Variants in GLB1 observed in about 807,000 individuals in gnomAD.
GLB1 encodes the protein beta-galactosidase.
Under a neutral mutation model 74.0 loss-of-function variants are expected in GLB1, and 56 were observed. The ratio of observed to expected loss-of-function variants is 0.76; its 90% CI spans 0.61 to 0.94. The LOEUF (loss-of-function observed/expected upper bound fraction) is 0.94. GLB1 is among the 40% of genes least tolerant of loss of function. GLB1 has a pLI of 0.00. For missense variants in GLB1, 787 were observed against 845.5 expected (o/e 0.93, Z 0.86); for synonymous variants, 323 against 323.6 (o/e 1.00, Z 0.02).
intron 15 of GLB1, among the ~76,000 whole-genome samples, chr3:33,005,972 A>G (rs1340455040): frequency 2.0e-5 from 3 of 152,242 alleles, no homozygotes; most frequent in African/African-American, 4.8e-5. Context: ...TCTTCAAAGC[A>G]TAATTTTGGT....
intron 14 of GLB1, among the ~76,000 whole-genome samples, chr3:33,015,109 T>C (rs1266798311): frequency 6.6e-6 from 1 of 152,102 alleles, no homozygotes; most frequent in Non-Finnish European, 1.5e-5. Context: ...TAAGCCGAGA[T>C]TGTGCCACTG....
At chr3:33,064,423 G>C (rs1699579486) in intron 5 of GLB1, among the ~76,000 whole-genome samples, 2 of 126,444 alleles carry the variant, frequency 1.6e-5, no homozygotes, top group Non-Finnish European at 1.6e-5. Flanking sequence ...CTGGGCGACA[G>C]AGCGAGACTC....
At chr3:32,977,938 A>G in the GLB1 span, among the ~76,000 whole-genome samples, 1 of 152,182 alleles carries the variant, frequency 6.6e-6, no homozygotes, top group Non-Finnish European at 1.5e-5. Context: ...TGAATTTCTG[A>G]CACAGTTCCA....
intron 15 of GLB1, among the ~76,000 whole-genome samples, chr3:33,007,255 C>T (rs1038661963): frequency 6.6e-6 from 1 of 152,220 alleles, no homozygotes; most frequent in Non-Finnish European, 1.5e-5. Context: ...CCATACAATT[C>T]AGCAGTCTTT....
chr3:33,089,604 C>T lies in GLB1; in HGVS notation c.75+7407G>A, dbSNP rs117302613. ...CTTAAAAAGGACAGAAATCCAGTCA[C>T]GTGCCACAACCTTAAGGTCATTATA... On this transcript the variant is annotated intron_variant, in intron 1 of 15. Transcript: ENST00000307363. 2.1e-3 allele frequency among the ~76,000 whole-genome samples: 316 copies of T among 152,214 alleles called. 4 individuals are homozygous for T. The highest frequency in any genetic ancestry group is 1.9e-3 in the East Asian group (10 of 5,182).
chr3:33,026,913 C>G (rs1199626682), intron 10 of GLB1, among the ~76,000 whole-genome samples: 1 of 152,210 alleles, frequency 6.6e-6, no homozygotes, highest in African/African-American at 2.4e-5. Context: ...CTTCATCTTG[C>G]TCACCCTCCA....
At position 33,016,835 on chromosome 3, in the gene GLB1, G is replaced by A; in HGVS notation, c.1353C>T (p.Pro451=). ...DRAYVAVDGI[P]QGVLERNNVI... ...CATTGTTTCGCTCAAGGACTCCCTG[G>A]GGGATCTGTGGGGTTCAAGACCAAA... Residue 451 remains proline (P), a synonymous_variant, in exon 14 of 16, where the codon CCC becomes CCT. Coordinates refer to ENST00000307363, the MANE Select transcript of GLB1 (RefSeq NM_000404.4). 5 of 1,613,948 alleles carry A rather than the reference G, an allele frequency of 3.1e-6. No individual in the cohort carries two copies. The highest frequency in any genetic ancestry group is 2.2e-5 in the East Asian group (1 of 44,878).
chr3:32,974,900 C>G, the GLB1 span, among the ~76,000 whole-genome samples: 8 of 152,328 alleles, frequency 5.3e-5, no homozygotes, highest in African/African-American at 1.9e-4. Context: ...TACACACACA[C>G]AGATACACCC....
chr3:33,066,374 T>G (rs1023627694), intron 4 of GLB1, among the ~76,000 whole-genome samples: 13 of 152,122 alleles, frequency 8.5e-5, no homozygotes, highest in Admixed American at 1.3e-4. Context: ...GGTGGCTTTA[T>G]AAGAAGAGGG....
the GLB1 span, among the ~76,000 whole-genome samples, chr3:32,981,717 G>A: frequency 6.6e-6 from 1 of 151,326 alleles, no homozygotes; most frequent in East Asian, 2.0e-4. Context: ...AGGTTGCAGT[G>A]AGCTGAGATT....
chr3:33,042,389 T>TTTTTTTTA (rs1553609327), intron 10 of GLB1, among the ~76,000 whole-genome samples: 1 of 146,542 alleles, frequency 6.8e-6, no homozygotes, highest in Non-Finnish European at 1.5e-5. Context: ...TTTTTTTTTT[T>TTTTTTTTA]CCAAGTCTCG....
chr3:33,082,899 G>C (rs1360354159), intron 1 of GLB1, among the ~76,000 whole-genome samples: 1 of 152,166 alleles, frequency 6.6e-6, no homozygotes, highest in Non-Finnish European at 1.5e-5. Context: ...AAGCCACAGA[G>C]AGGGGATCAA....
intron 9 of GLB1, among the ~76,000 whole-genome samples, chr3:33,048,177 A>T (rs578226929): frequency 6.6e-6 from 1 of 152,270 alleles, no homozygotes; most frequent in Admixed American, 6.5e-5. Context: ...GAGTTGGGAA[A>T]GTGTGACCTC....
chr3:33,014,185 A>G lies in GLB1; in HGVS notation c.1605T>C (p.His535=), dbSNP rs1697144237. 6.2e-7 allele frequency: 1 copy of G among 1,614,104 alleles called. No individual in the cohort carries two copies. Among genetic ancestry groups the G allele is most frequent in the East Asian group, 2.2e-5 (1 of 44,868 alleles). Residue 535 remains histidine, a synonymous_variant, in exon 15 of 16, where the codon CAT becomes CAC. Coordinates refer to ENST00000307363, the MANE Select transcript of GLB1 (RefSeq NM_000404.4). ...GGWGHRDSGH[H]DEAWAHNSSN... is the part of the protein sequence containing the mutation. ...ATGAGTTGTGGGCCCAGGCTTCATC[A>G]TGGTGGCCACTGTCACGGTGTCCCC...
At chr3:33,052,066 C>T (rs1699018037) in intron 7 of GLB1, 62 bp from the exon 8 acceptor site, 2 of 1,603,464 alleles carry the variant, frequency 1.2e-6, no homozygotes, top group African/African-American at 2.7e-5. Context: ...GCCAGGGCTT[C>T]CCTGCAATGC....
At chr3:33,027,102 C>T (rs1430067832) in intron 10 of GLB1, among the ~76,000 whole-genome samples, 5 of 152,230 alleles carry the variant, frequency 3.3e-5, no homozygotes, top group South Asian at 2.1e-4. Context: ...GGGAGCTACC[C>T]GAGCTGGGGC....
chr3:33,083,761 G>A (rs1170058448), intron 1 of GLB1, among the ~76,000 whole-genome samples: 1 of 150,910 alleles, frequency 6.6e-6, no homozygotes, highest in Non-Finnish European at 1.5e-5. Flanking sequence ...ATACGTATCA[G>A]GAACCTAATA....
chr3:33,034,205 G>A (rs1698177331), intron 10 of GLB1: 1 of 637,380 alleles, frequency 1.6e-6, no homozygotes, highest in South Asian at 1.7e-5. Flanking sequence ...GGTCCCCCAT[G>A]ACTACGGCCT....
intron 10 of GLB1, among the ~76,000 whole-genome samples, chr3:33,032,547 C>G (rs2125493474): frequency 6.6e-6 from 1 of 151,872 alleles, no homozygotes. Flanking sequence ...ATCACCAAAT[C>G]CTATCAATTT....
Sources: gnomAD v4.1 joint callset for allele counts (sites outside exome capture counted in the v4.1 genomes callset) on GRCh38, gnomAD v4.1.1 for gene constraint, MANE v1.5 for transcripts, NCBI Gene and HGNC (gene_info 2026-07-23, HGNC 2026-07-21) for gene names.